DOP1B: variants seen among roughly 807,000 people sequenced by gnomAD.
The protein encoded by DOP1B is protein DOP1B.
In DOP1B, 174 loss-of-function variants were observed where a neutral mutation model predicts 233.5. The observed-to-expected ratio is 0.75, with a 90% confidence interval of 0.66 to 0.85. DOP1B has a LOEUF of 0.85. Among genes scored for constraint, DOP1B ranks in the 40% least tolerant of loss-of-function variants. The pLI is 0.00. For missense variants in DOP1B, 2,652 were observed against 2,846.6 expected, an observed-to-expected ratio of 0.93 and a Z score of 1.56; for synonymous variants, 1,190 against 1,185.6, an observed-to-expected ratio of 1.00 and a Z score of -0.08.
Position 36,199,180 on chromosome 21 carries a change from T to C in DOP1B, c.249T>C (p.Ala83=), listed in dbSNP as rs778420793. The change falls in exon 3 of 37, where the codon GCT becomes GCC. Residue 83 remains alanine (A), a synonymous_variant. Coordinates refer to ENST00000691173, the MANE Select transcript of DOP1B (RefSeq NM_001320714.2). ...TGCCCAGTGGTGTCCACTTAAAAGC[T>C]CTGGAAACCTACGAGATTATCTTTA... ...PALPSGVHLK[A]LETYEIIFKI... is the part of the protein sequence containing the mutation. 3.7e-6 allele frequency: 6 copies of C among 1,613,996 alleles called. No individual in the cohort carries two copies. In the African/African-American group the frequency reaches 6.7e-5, roughly 18 times the overall value.
intron 2 of DOP1B, among the ~76,000 whole-genome samples, chr21:36,176,212 C>T (rs1370320815): frequency 6.6e-6 from 1 of 151,896 alleles, no homozygotes. Context: ...AGCTCTGCAC[C>T]AGCTTATTTA....
intron 30 of DOP1B, among the ~76,000 whole-genome samples, chr21:36,280,025 G>A (rs2067398573): frequency 6.6e-6 from 1 of 152,076 alleles, no homozygotes; most frequent in South Asian, 2.1e-4. Context: ...ACAGGCATGC[G>A]CCACCACGCC....
chr21:36,261,996 A>G, intron 24 of DOP1B: 1 of 981,664 alleles, frequency 1.0e-6, no homozygotes, highest in South Asian at 4.7e-5. Context: ...CAGGAGTCTC[A>G]CTGTAAATAA....
chr21:36,197,508 T>C (rs527539256), intron 2 of DOP1B, among the ~76,000 whole-genome samples: 1 of 152,288 alleles, frequency 6.6e-6, no homozygotes, highest in East Asian at 1.9e-4. Flanking sequence ...CGCTTTGTTC[T>C]AGGCACTGTG....
chr21:36,246,546 G>C lies in DOP1B; in HGVS notation c.4566G>C (p.Leu1522Phe), dbSNP rs775264949. 6.2e-7 allele frequency: 1 copy of C among 1,614,172 alleles called. No homozygotes were observed. The highest frequency in any genetic ancestry group is 1.7e-5 in the Admixed American group (1 of 60,022). Reference sequence around the variant, plus strand: ...GCATGCATCCGGCCTGGGTGAGCTTGGTCACGCATTCCTTGCCCTACTTCG... The same window carrying C: ...GCATGCATCCGGCCTGGGTGAGCTTCGTCACGCATTCCTTGCCCTACTTCG... ...GYGMHPAWVS[L>F]VTHSLPYFGK... The change falls in exon 19 of 37, where the codon TTG becomes TTC. Residue 1522 changes from leucine (L) to phenylalanine (F), a missense_variant. Physicochemically the swap from Leu to Phe is conservative, Grantham distance 22. Transcript: ENST00000691173. This position sits in a 1 kb window ranked among gnomAD's most constrained non-coding sequence, Gnocchi z 5.1.
chr21:36,236,931 C>T (rs1286385628), intron 15 of DOP1B, among the ~76,000 whole-genome samples: 1 of 151,762 alleles, frequency 6.6e-6, no homozygotes. Flanking sequence ...ATTACAGGTG[C>T]CCGCCGCCAC....
chr21:36,188,593 G>A (rs2066193987), intron 2 of DOP1B, among the ~76,000 whole-genome samples: 1 of 152,204 alleles, frequency 6.6e-6, no homozygotes, highest in Non-Finnish European at 1.5e-5. Flanking sequence ...GTGCCACTGT[G>A]CAGCTTCCTT....
chr21:36,225,565 A>G lies in DOP1B; in HGVS notation c.1371A>G (p.Arg457=). ...YMTRCFEECF[R]PVKQRYSVRN... Reference sequence around the variant, plus strand: ...ATTTTTTCTTTGCTGTGATTTATAGACCAGTGAAGCAGCGTTACAGCGTGA... The same window carrying G: ...ATTTTTTCTTTGCTGTGATTTATAGGCCAGTGAAGCAGCGTTACAGCGTGA... The change falls in exon 12 of 37, where the codon AGA becomes AGG. Residue 457 remains arginine, a splice_region_variant and synonymous_variant. Coordinates refer to ENST00000691173, the MANE Select transcript of DOP1B (RefSeq NM_001320714.2). 6.2e-7 allele frequency: 1 copy of G among 1,613,872 alleles called. No homozygotes were observed.
chr21:36,188,421 C>G (rs1346376143), intron 2 of DOP1B, among the ~76,000 whole-genome samples: 1 of 152,188 alleles, frequency 6.6e-6, no homozygotes, highest in Admixed American at 6.5e-5. Context: ...CGGGTCATGC[C>G]ATTTCAGTCA....
intron 2 of DOP1B, chr21:36,168,880 G>A: frequency 2.3e-6 from 1 of 431,124 alleles, no homozygotes; most frequent in South Asian, 2.5e-5. Flanking sequence ...GTGTGAAGTG[G>A]TCTCTCCCTG....
At chr21:36,169,835 T>G (rs1244529395) in intron 2 of DOP1B, 6 of 959,278 alleles carry the variant, frequency 6.3e-6, no homozygotes, top group African/African-American at 3.2e-5. Flanking sequence ...GAGAAACACC[T>G]TTTGCACTCA....
intron 17 of DOP1B, 36 bp from the exon 18 acceptor site, chr21:36,239,729 C>A: frequency 6.7e-7 from 1 of 1,496,756 alleles, no homozygotes; most frequent in Non-Finnish European, 9.0e-7. Flanking sequence ...ACAGGGGTGG[C>A]TGCGAGTGAA....
In DOP1B at chr21:36,260,658, G is replaced by A. The variant is rs759899500; in HGVS notation, c.5260-19G>A. ...ATTTCCCACCAACTCGGAGTAATTG[G>A]TTTTACTTTCATTTTCAGAAATCGC... On this transcript the variant is annotated intron_variant, in intron 23 of 36. Coordinates refer to ENST00000691173, the MANE Select transcript of DOP1B (RefSeq NM_001320714.2). The A allele has an allele frequency of 2.5e-6, 4 of 1,613,356 alleles. No homozygotes were observed. The highest frequency in any genetic ancestry group is 3.4e-6 in the Non-Finnish European group (4 of 1,179,822).
chr21:36,206,904 A>C (rs2066431960), intron 4 of DOP1B, among the ~76,000 whole-genome samples: 1 of 152,220 alleles, frequency 6.6e-6, no homozygotes, highest in African/African-American at 2.4e-5. Context: ...TTTTCTAAGA[A>C]GACGGTACCA....
chr21:36,252,948 G>A (rs2067048225), intron 22 of DOP1B, among the ~76,000 whole-genome samples: 1 of 152,154 alleles, frequency 6.6e-6, no homozygotes. Context: ...GGGATCTGCT[G>A]CTGCACCTCC....
rs1444121489 is a variant in DOP1B at position 36,272,853 on chromosome 21, G to A, written c.5632+2696G>A. On this transcript the variant is annotated intron_variant, in intron 27 of 36. Coordinates refer to ENST00000691173, the MANE Select transcript of DOP1B (RefSeq NM_001320714.2). ...TACAAAATTAGCTGGGTGTGGTGGC[G>A]CATGCCTGGAATCCCATCTACTCCG... is the stretch of plus-strand genomic sequence containing the variant. Among the ~76,000 whole-genome samples the A allele has an allele frequency of 3.3e-5, 5 of 151,268 alleles. No homozygotes were observed. In the South Asian group the frequency reaches 6.2e-4, roughly 19 times the overall value.
chr21:36,216,403 G>T (rs962947974), intron 9 of DOP1B, among the ~76,000 whole-genome samples: 1 of 151,768 alleles, frequency 6.6e-6, no homozygotes, highest in Non-Finnish European at 1.5e-5. Context: ...CTGAGGTCAG[G>T]AGTTCAAGAC....
intron 2 of DOP1B, among the ~76,000 whole-genome samples, chr21:36,192,412 A>T (rs2066243901): frequency 1.3e-5 from 2 of 148,914 alleles, no homozygotes; most frequent in South Asian, 4.2e-4. Flanking sequence ...TTTTTGAGAC[A>T]AGAGTCGCCC....
At chr21:36,253,982 T>C (rs2067063549) in intron 23 of DOP1B, 73 bp downstream of exon 23, 1 of 1,531,688 alleles carries the variant, frequency 6.5e-7, no homozygotes, top group East Asian at 2.3e-5. Context: ...TACTTCCTTA[T>C]AAATCGTGTT....
Sources: allele counts gnomAD v4.1 joint callset (sites outside exome capture counted in the v4.1 genomes callset), GRCh38; gene constraint gnomAD v4.1.1; non-coding constraint Gnocchi (gnomAD v3.1); transcripts MANE v1.5; gene names NCBI Gene and HGNC (gene_info 2026-07-23, HGNC 2026-07-21).